The following MACROD2 variants were observed in gnomAD, a reference collection of about 807,000 sequenced individuals.
MACROD2 encodes the protein mono-ADP ribosylhydrolase 2.
Under a neutral mutation model 70.4 loss-of-function variants are expected in MACROD2, and 36 were observed. The observed-to-expected ratio is 0.51, with a 90% CI of 0.39 to 0.68. The LOEUF (loss-of-function observed/expected upper bound fraction) is 0.68. Ranked by LOEUF, MACROD2 falls within the 30% of genes least tolerant of loss-of-function variation. The pLI, the probability that MACROD2 is intolerant of heterozygous loss-of-function variation, is 0.00. For missense variants in MACROD2, 496 were observed against 538.4 expected, an observed-to-expected ratio of 0.92 and a Z score of 0.78; for synonymous variants, 172 against 178.8, an observed-to-expected ratio of 0.96 and a Z score of 0.30.
intron 6 of MACROD2, among the ~76,000 whole-genome samples, chr20:15,302,622 C>T (rs1408176475): frequency 3.9e-5 from 6 of 152,210 alleles, no homozygotes; most frequent in African/African-American, 1.4e-4. Context: ...TTGGTGATTT[C>T]ATCTTATGGG....
intron 8 of MACROD2, among the ~76,000 whole-genome samples, chr20:15,509,217 C>CAAT: frequency 6.6e-6 from 1 of 152,182 alleles, no homozygotes; most frequent in African/African-American, 2.4e-5. Flanking sequence ...ATCAGTCTTT[C>CAAT]AATATTCCCT....
intron 3 of MACROD2, among the ~76,000 whole-genome samples, chr20:14,281,601 C>T (rs1406018892): frequency 6.6e-6 from 1 of 151,914 alleles, no homozygotes; most frequent in African/African-American, 2.4e-5. Flanking sequence ...CTGTACTTTA[C>T]AATGGTGAAT....
At chr20:15,803,048 A>T (rs6135541) in intron 8 of MACROD2, among the ~76,000 whole-genome samples, 11,366 of 152,052 alleles carry the variant, frequency 0.075, 1,020 homozygotes, top group East Asian at 0.3. Context: ...AAAGCCCAGG[A>T]CCAGATGGCT....
chr20:14,302,740 C>G (rs753870053), intron 3 of MACROD2, among the ~76,000 whole-genome samples: 46 of 151,954 alleles, frequency 3.0e-4, no homozygotes, highest in Non-Finnish European at 5.7e-4. Context: ...ACTGCAACCT[C>G]CGCCTGCCAG....
chr20:15,810,755 C>T (rs2063812074), intron 8 of MACROD2, among the ~76,000 whole-genome samples: 1 of 152,146 alleles, frequency 6.6e-6, no homozygotes, highest in Non-Finnish European at 1.5e-5. Context: ...ACCAATGGAA[C>T]AGAACAGTGC....
intron 5 of MACROD2, among the ~76,000 whole-genome samples, chr20:15,092,388 TTAAA>T (rs1366902693): frequency 1.7e-4 from 26 of 148,660 alleles, no homozygotes; most frequent in African/African-American, 5.6e-4. Flanking sequence ...AAAGTATTCA[TTAAA>T]TAATTTTATT....
intron 5 of MACROD2, among the ~76,000 whole-genome samples, chr20:14,746,539 C>T (rs2071802092): frequency 6.6e-6 from 1 of 151,908 alleles, no homozygotes; most frequent in South Asian, 2.1e-4. Context: ...GTGTGTATAG[C>T]CTGTAATGTG....
chr20:15,612,222 G>A (rs1341843004), intron 8 of MACROD2, among the ~76,000 whole-genome samples: 1 of 152,096 alleles, frequency 6.6e-6, no homozygotes, highest in African/African-American at 2.4e-5. Context: ...GAGCCATGCC[G>A]GCTCATGATT....
chr20:16,025,112 G>A (rs7352926), intron 15 of MACROD2, among the ~76,000 whole-genome samples: 18,320 of 152,254 alleles, frequency 0.12, 1,339 homozygotes, highest in Middle Eastern at 0.19. Flanking sequence ...AGGTGTCTTT[G>A]CCTGAAAGGA....
intron 8 of MACROD2, among the ~76,000 whole-genome samples, chr20:15,638,162 A>G (rs2049398987): frequency 6.6e-6 from 1 of 152,202 alleles, no homozygotes; most frequent in African/African-American, 2.4e-5. Flanking sequence ...TCTGACATGA[A>G]GAAACCCTCA....
At chr20:14,013,827 C>T (rs1238872999) in intron 2 of MACROD2, among the ~76,000 whole-genome samples, 5 of 151,864 alleles carry the variant, frequency 3.3e-5, no homozygotes, top group African/African-American at 9.7e-5. Flanking sequence ...GGGTTACAGG[C>T]GCCTGCCATC....
intron 3 of MACROD2, among the ~76,000 whole-genome samples, chr20:14,483,041 G>A (rs1185311442): frequency 4.6e-5 from 7 of 152,142 alleles, no homozygotes; most frequent in Non-Finnish European, 7.4e-5. Flanking sequence ...CTAGTAATAC[G>A]CCTGGCATCT....
At chr20:15,621,897 A>T (rs780399659) in intron 8 of MACROD2, among the ~76,000 whole-genome samples, 2 of 152,238 alleles carry the variant, frequency 1.3e-5, no homozygotes, top group Non-Finnish European at 2.9e-5. Flanking sequence ...TTTTGTGGTG[A>T]TGCCCCAAGA....
In MACROD2 at chr20:14,707,007, C is replaced by T. The variant is rs561456673; in HGVS notation, c.418+22048C>T. On this transcript the variant is annotated intron_variant, in intron 5 of 17. Coordinates refer to ENST00000684519, the MANE Select transcript of MACROD2 (RefSeq NM_001351661.2). ...CAGTAATTCTCCTTGCTTCTTTTTCCGCTTCCCTTCTTAGCCTCCCTTTTC... is the reference window on the plus strand; with the variant it reads ...CAGTAATTCTCCTTGCTTCTTTTTCTGCTTCCCTTCTTAGCCTCCCTTTTC... 3.3e-5 allele frequency among the ~76,000 whole-genome samples: 5 copies of T among 152,260 alleles called. No individual in the cohort carries two copies. The South Asian group carries it at 8.3e-4, about 25-fold the overall frequency.
intron 8 of MACROD2, among the ~76,000 whole-genome samples, chr20:15,677,086 T>A (rs144076026): frequency 7.9e-5 from 12 of 152,336 alleles, no homozygotes; most frequent in African/African-American, 1.9e-4. Flanking sequence ...AAAAGATAAT[T>A]ACTAGCTATG....
At chr20:15,937,448 G>A in intron 11 of MACROD2, 28 bp from the exon 12 acceptor site, 1 of 1,611,252 alleles carries the variant, frequency 6.2e-7, no homozygotes, top group African/African-American at 1.3e-5. Flanking sequence ...GATGAACTCT[G>A]AGGCAGTGTT....
intron 5 of MACROD2, among the ~76,000 whole-genome samples, chr20:14,832,557 T>C (rs2072983343): frequency 6.6e-6 from 1 of 152,114 alleles, no homozygotes; most frequent in Non-Finnish European, 1.5e-5. Context: ...TTTCTGGAGT[T>C]AGACTTCTAC....
intron 3 of MACROD2, among the ~76,000 whole-genome samples, chr20:14,201,835 C>T (rs201905029): frequency 3.6e-5 from 5 of 140,410 alleles, no homozygotes; most frequent in East Asian, 4.1e-4. Context: ...GAGATTCCAT[C>T]TCAAAAAAAA....
At chr20:14,917,499 C>T (rs2074106656) in intron 5 of MACROD2, among the ~76,000 whole-genome samples, 1 of 151,988 alleles carries the variant, frequency 6.6e-6, no homozygotes, top group African/African-American at 2.4e-5. Context: ...CTTTGATTTC[C>T]ATCCAGGGAA....
Sources: allele counts gnomAD v4.1 joint callset (sites outside exome capture counted in the v4.1 genomes callset), GRCh38; gene constraint gnomAD v4.1.1; transcripts MANE v1.5; gene names NCBI Gene and HGNC (gene_info 2026-07-23, HGNC 2026-07-21).